The following FLG variants were observed in gnomAD, a reference collection of about 807,000 sequenced individuals.
FLG encodes the protein filaggrin, also known as epidermal filaggrin.
Under a neutral mutation model 3.8 loss-of-function variants are expected in FLG, and 6 were observed. The observed-to-expected ratio is 1.60, with a 90% CI of 0.87 to 3.15. The LOEUF is 3.15. Among genes scored for constraint, FLG ranks in the 30% most tolerant of loss-of-function variants. The pLI, the probability that FLG is intolerant of heterozygous loss-of-function variation, is 0.00. For synonymous variants in FLG, 2,551 were observed against 1,931.6 expected, an observed-to-expected ratio of 1.32 and a Z score of -8.41; for missense variants, 7,595 against 5,050.9, an observed-to-expected ratio of 1.50 and a Z score of -15.27.
intron 1 of FLG, among the ~76,000 whole-genome samples, chr1:152,322,125 G>T (rs750606429): frequency 6.6e-6 from 1 of 150,988 alleles, no homozygotes; most frequent in African/African-American, 2.4e-5. Flanking sequence ...TTTGAAAAAT[G>T]TCATAGCAAA....
Position 152,305,581 on chromosome 1 carries a change from G to A in FLG, c.9305C>T (p.Ala3102Val). The A allele has an allele frequency of 2.7e-6, 4 of 1,502,452 alleles. No homozygotes were observed. Among genetic ancestry groups the A allele is most frequent in the Non-Finnish European group, 3.5e-6 (4 of 1,130,264 alleles). The allele number at this position is 1,502,452 out of a possible 1,614,324, so 93.1% of individuals were successfully genotyped here. A position where few individuals can be genotyped will look rare whatever the true frequency, so the allele number is the denominator to read the frequency against. Reference sequence around the variant, plus strand: ...AATGGTGTCCTGACCGTATTGGGATGCTGAGTGCCTGGAGCTGTCTTGTGC... The same window carrying A: ...AATGGTGTCCTGACCGTATTGGGATACTGAGTGCCTGGAGCTGTCTTGTGC... ...EQAQDSSRHS[A>V]SQYGQDTIRG... Residue 3102 changes from alanine (A) to valine (V), a missense_variant, in exon 3 of 3, where the codon GCA (alanine) becomes GTA (valine). By Grantham distance (64) the Ala-to-Val change is moderately conservative (BLOSUM62 0). Coordinates refer to ENST00000368799, the MANE Select transcript of FLG (RefSeq NM_002016.2).
Position 152,309,320 on chromosome 1 carries a change from G to A in FLG, c.5566C>T (p.Arg1856Cys), listed in dbSNP as rs144236267. Residue 1856 changes from arginine (R) to cysteine (C), a missense_variant, in exon 3 of 3, where the codon CGT (arginine) becomes TGT (cysteine). Arg to Cys is a radical substitution (Grantham distance 180, BLOSUM62 -3). Coordinates refer to ENST00000368799, the MANE Select transcript of FLG (RefSeq NM_002016.2). Reference protein sequence around the residue: ...TTSQERSDVSRGQSGSRSVSR... With the variant: ...TTSQERSDVSCGQSGSRSVSR... ...ACACTTCTGGATCCTGACTGCCCAC[G>A]GGAGACATCAGACCTTTCCTGGGAC... 100 of 1,613,828 alleles carry A rather than the reference G, an allele frequency of 6.2e-5. No homozygotes were observed. In the African/African-American group the frequency reaches 9.5e-4, roughly 15 times the overall value.
rs1039173304 is a variant in FLG at position 152,302,737 on chromosome 1, C to G, written c.12149G>C (p.Gly4050Ala). The change falls in exon 3 of 3, where the codon GGA becomes GCA. Residue 4050 changes from glycine to alanine, a missense_variant. Coordinates refer to ENST00000368799, the MANE Select transcript of FLG (RefSeq NM_002016.2). ...ATAGTATCTCTGTGACTGACTAAAT[C>G]CCAGTTGTTTCGATATATCACTAGA... ...GHSSDISKQL[G>A]FSQSQRYYYY... The G allele has an allele frequency of 2.5e-6, 4 of 1,613,894 alleles. No individual in the cohort carries two copies. The African/African-American group carries it at 4.0e-5, about 16-fold the overall frequency.
At position 152,307,842 on chromosome 1, in the gene FLG, G is replaced by A. The variant is rs147071702; in HGVS notation, c.7044C>T (p.His2348=). 1,102 of 1,613,230 alleles carry A rather than the reference G, an allele frequency of 6.8e-4. 6 individuals carry two copies. The highest frequency in any genetic ancestry group is 1.2e-3 in the Middle Eastern group (7 of 6,026). Residue 2348 remains histidine (H), a synonymous_variant, in exon 3 of 3, where the codon CAC becomes CAT. Coordinates refer to ENST00000368799, the MANE Select transcript of FLG (RefSeq NM_002016.2). The part of the protein sequence containing the change: ...ADSSRHSGIG[H]GQASSAVRDS... Reference sequence around the variant, plus strand: ...CTCTGACTGCAGATGAAGCTTGTCCGTGCCCAATGCCTGAGTGTCTGGAGC... The same window carrying A: ...CTCTGACTGCAGATGAAGCTTGTCCATGCCCAATGCCTGAGTGTCTGGAGC...
At chr1:152,320,316 T>C (rs980172592) in intron 1 of FLG, among the ~76,000 whole-genome samples, 3 of 150,946 alleles carry the variant, frequency 2.0e-5, no homozygotes, top group Non-Finnish European at 4.5e-5. Flanking sequence ...AATATGCTAA[T>C]TAAGGGACAA....
chr1:152,316,768 CCTCT>C (rs1652801901), intron 1 of FLG, among the ~76,000 whole-genome samples: 1 of 152,056 alleles, frequency 6.6e-6, no homozygotes, highest in South Asian at 2.1e-4. Flanking sequence ...AATTCTTTAA[CCTCT>C]CTATTTACTG....
At position 152,311,612 on chromosome 1, in the gene FLG, C is replaced by T. The variant is rs1570909841; in HGVS notation, c.3274G>A (p.Asp1092Asn). ...DTQSVSGHGQ[D>N]GPHQQSHQES... ...TGGTGGCTCTGCTGATGGGGCCCATCCTGTCCATGGCCTGACACTGACTGT... is the reference window on the plus strand; with the variant it reads ...TGGTGGCTCTGCTGATGGGGCCCATTCTGTCCATGGCCTGACACTGACTGT... The change falls in exon 3 of 3, where the codon GAT (aspartate) becomes AAT (asparagine). Residue 1092 changes from aspartate to asparagine, a missense_variant. Transcript: ENST00000368799. 6.2e-7 allele frequency: 1 copy of T among 1,614,148 alleles called. No individual in the cohort carries two copies. Among genetic ancestry groups the T allele is most frequent in the Non-Finnish European group, 8.5e-7 (1 of 1,180,028 alleles).
rs747304520 is a variant in FLG, at chr1:152,308,181, T to A, written c.6705A>T (p.Thr2235=). 2 of 1,613,796 alleles carry A rather than the reference T, an allele frequency of 1.2e-6. No homozygotes were observed. Among genetic ancestry groups the A allele is most frequent in the East Asian group, 2.2e-5 (1 of 44,828 alleles). Residue 2235 remains threonine (T), a synonymous_variant, in exon 3 of 3, where the codon ACA becomes ACT. Coordinates refer to ENST00000368799, the MANE Select transcript of FLG (RefSeq NM_002016.2). The part of the protein sequence containing the change: ...VGQGQSSGPR[T]SRPRGSSVSQ... ...TAACACTGGATCCCCGGGGCCTGCT[T>A]GTCCTGGGCCCTGATGATTGTCCCT... is the stretch of plus-strand genomic sequence containing the variant.
In FLG at chr1:152,307,140, C is replaced by A; in HGVS notation, c.7746G>T (p.Arg2582Ser). The A allele has an allele frequency of 6.2e-7, 1 of 1,612,664 alleles. No homozygotes were observed. The highest frequency in any genetic ancestry group is 2.2e-5 in the East Asian group (1 of 44,784). ...DSQGHSEDSE[R>S]WSGSASRNHH... Reference sequence around the variant, plus strand: ...GGTTTCTGGAAGCAGACCCAGACCACCTCTCAGAGTCTTCTGAGTGTCCCT... The same window carrying A: ...GGTTTCTGGAAGCAGACCCAGACCAACTCTCAGAGTCTTCTGAGTGTCCCT... Residue 2582 changes from arginine to serine, a missense_variant, in exon 3 of 3, where the codon AGG (arginine) becomes AGT (serine). Coordinates refer to ENST00000368799, the MANE Select transcript of FLG (RefSeq NM_002016.2).
Position 152,303,101 on chromosome 1 carries a change from C to T in FLG, c.11785G>A (p.Gly3929Ser). ...QSDSSTAKEH[G>S]HFSSLSQDSA... ...TCTTGTGAAAGACTACTAAAGTGACCATGTTCCTTAGCGGTACTAGAGTCT... is the reference window on the plus strand; with the variant it reads ...TCTTGTGAAAGACTACTAAAGTGACTATGTTCCTTAGCGGTACTAGAGTCT... Residue 3929 changes from glycine (G) to serine (S), a missense_variant, in exon 3 of 3, where the codon GGT becomes AGT. Physicochemically the swap from Gly to Ser is moderately conservative, Grantham distance 56. Transcript: ENST00000368799. 4 of 1,614,150 alleles carry T rather than the reference C, an allele frequency of 2.5e-6. No individual in the cohort carries two copies. The highest frequency in any genetic ancestry group is 3.4e-6 in the Non-Finnish European group (4 of 1,180,026).
chr1:152,310,071 T>A lies in FLG; in HGVS notation c.4815A>T (p.Glu1605Asp), dbSNP rs367839012. ...SQDRDSEGHS[E>D]DSERRSESAS... ...CCGACTCAGACCGCCTCTCAGAGTCTTCTGAGTGTCCCTCACTGTCCCTGT... is the reference window on the plus strand; with the variant it reads ...CCGACTCAGACCGCCTCTCAGAGTCATCTGAGTGTCCCTCACTGTCCCTGT... Residue 1605 changes from glutamate to aspartate, a missense_variant, in exon 3 of 3, where the codon GAA becomes GAT. Glu to Asp is a conservative substitution (Grantham distance 45, BLOSUM62 2). Coordinates refer to ENST00000368799, the MANE Select transcript of FLG (RefSeq NM_002016.2). 6.2e-7 allele frequency: 1 copy of A among 1,613,872 alleles called. No individual in the cohort carries two copies.
chr1:152,302,657 T>A lies in FLG; in HGVS notation c.*43A>T, dbSNP rs759650324. On this transcript the variant is annotated 3_prime_UTR_variant, in exon 3 of 3. Transcript: ENST00000368799. ...GTTTCTTGATTGAAAGTGAACTTGCTTCATTCTTCTATTCTTGGATTAATT... is the reference window on the plus strand; with the variant it reads ...GTTTCTTGATTGAAAGTGAACTTGCATCATTCTTCTATTCTTGGATTAATT... 1 of 1,608,750 alleles carries A rather than the reference T, an allele frequency of 6.2e-7. No homozygotes were observed. Among genetic ancestry groups the A allele is most frequent in the South Asian group, 1.1e-5 (1 of 90,120 alleles).
chr1:152,309,069 G>C lies in FLG; in HGVS notation c.5817C>G (p.Ser1939=). The C allele has an allele frequency of 6.2e-7, 1 of 1,614,090 alleles. No homozygotes were observed. Among genetic ancestry groups the C allele is most frequent in the Non-Finnish European group, 8.5e-7 (1 of 1,179,996 alleles). Residue 1939 remains serine (S), a synonymous_variant, in exon 3 of 3, where the codon TCC becomes TCG. Transcript: ENST00000368799. Reference sequence around the variant, plus strand: ...CCCAAGCAGATCCAAGATGGTTTCTGGAAGCAGACCCAGACCACCTCTCAG... The same window carrying C: ...CCCAAGCAGATCCAAGATGGTTTCTCGAAGCAGACCCAGACCACCTCTCAG... The part of the protein sequence containing the change: ...EDSERWSGSA[S]RNHLGSAWEQ...
rs991603293 is a variant in FLG at position 152,310,843 on chromosome 1, T to C, written c.4043A>G (p.Gln1348Arg). 1 of 1,611,802 alleles carries C rather than the reference T, an allele frequency of 6.2e-7. No individual in the cohort carries two copies. The highest frequency in any genetic ancestry group is 8.5e-7 in the Non-Finnish European group (1 of 1,179,006). Residue 1348 changes from glutamine (Q) to arginine (R), a missense_variant, in exon 3 of 3, where the codon CAG (glutamine) becomes CGG (arginine). Gln to Arg is a conservative substitution (Grantham distance 43). Coordinates refer to ENST00000368799, the MANE Select transcript of FLG (RefSeq NM_002016.2). Reference protein sequence around the residue: ...SHGQAVSSHEQARSSPGERHG... With the variant: ...SHGQAVSSHERARSSPGERHG... Reference sequence around the variant, plus strand: ...TCTTTCTCCTGGACTTGATCTTGCCTGTTCATGGGATGACACAGCCTGTCC... The same window carrying C: ...TCTTTCTCCTGGACTTGATCTTGCCCGTTCATGGGATGACACAGCCTGTCC...
rs1266263430 is a variant in FLG at position 152,309,831 on chromosome 1, G to A, written c.5055C>T (p.His1685=). The change falls in exon 3 of 3, where the codon CAC becomes CAT. Residue 1685 remains histidine (H), a synonymous_variant. Coordinates refer to ENST00000368799, the MANE Select transcript of FLG (RefSeq NM_002016.2). The part of the protein sequence containing the change: ...SSPGERHGSR[H]QQSADSSTDS... Reference sequence around the variant, plus strand: ...CTGTGGAGCTGTCTGCTGACTGCTGGTGGCGGGATCCATGTCTTTCTCCTG... The same window carrying A: ...CTGTGGAGCTGTCTGCTGACTGCTGATGGCGGGATCCATGTCTTTCTCCTG... 1.2e-6 allele frequency: 2 copies of A among 1,614,044 alleles called. No homozygotes were observed. Among genetic ancestry groups the A allele is most frequent in the Non-Finnish European group, 1.7e-6 (2 of 1,180,006 alleles).
Position 152,308,716 on chromosome 1 carries a change from T to A in FLG, c.6170A>T (p.Gln2057Leu), listed in dbSNP as rs1008662653. The part of the protein sequence containing the change: ...SEGHSEDSDT[Q>L]SVSAQGKAGP... Reference sequence around the variant, plus strand: ...AGCTTTTCCCTGTGCTGACACTGACTGTGTGTCTGAGTCTTCTGAATGTCC... The same window carrying A: ...AGCTTTTCCCTGTGCTGACACTGACAGTGTGTCTGAGTCTTCTGAATGTCC... The change falls in exon 3 of 3, where the codon CAG (glutamine) becomes CTG (leucine). Residue 2057 changes from glutamine (Q) to leucine (L), a missense_variant. By Grantham distance (113) the Gln-to-Leu change is moderately radical. Transcript: ENST00000368799. The A allele has an allele frequency of 6.2e-7, 1 of 1,613,998 alleles. No homozygotes were observed.
At position 152,304,742 on chromosome 1, in the gene FLG, G is replaced by T; in HGVS notation, c.10144C>A (p.Arg3382Ser). ...ACCTGGTAGAGGAAAGACCCTGAACGTCCAGACCTTCCCCCTGACCGGTCA... is the reference window on the plus strand; with the variant it reads ...ACCTGGTAGAGGAAAGACCCTGAACTTCCAGACCTTCCCCCTGACCGGTCA... The part of the protein sequence containing the change: ...ARDRSGGRSG[R>S]SGSFLYQVST... The change falls in exon 3 of 3, where the codon CGT becomes AGT. Residue 3382 changes from arginine (R) to serine (S), a missense_variant. Coordinates refer to ENST00000368799, the MANE Select transcript of FLG (RefSeq NM_002016.2). 1.2e-6 allele frequency: 2 copies of T among 1,613,388 alleles called. No individual in the cohort carries two copies. Among genetic ancestry groups the T allele is most frequent in the Non-Finnish European group, 1.7e-6 (2 of 1,179,882 alleles).
At position 152,309,761 on chromosome 1, in the gene FLG, T is replaced by C; in HGVS notation, c.5125A>G (p.Ser1709Gly). The change falls in exon 3 of 3, where the codon AGT becomes GGT. Residue 1709 changes from serine (S) to glycine (G), a missense_variant. Ser to Gly is a moderately conservative substitution (Grantham distance 56, BLOSUM62 0). Transcript: ENST00000368799. ...RRQDSSVVGD[S>G]GNRGSSGSQA... The stretch of plus-strand genomic sequence containing the variant: ...CTACCACTGGACCCTCGGTTTCCAC[T>C]GTCTCCGACTACAGATGAATCTTGT... 3 of 1,614,028 alleles carry C rather than the reference T, an allele frequency of 1.9e-6. No individual in the cohort carries two copies. Among genetic ancestry groups the C allele is most frequent in the Non-Finnish European group, 2.5e-6 (3 of 1,180,000 alleles).
intron 1 of FLG, among the ~76,000 whole-genome samples, chr1:152,319,959 A>ATCCTTT (rs1652902495): frequency 6.6e-6 from 1 of 151,460 alleles, no homozygotes; most frequent in Non-Finnish European, 1.5e-5. Flanking sequence ...AAATAGAATT[A>ATCCTTT]AAATACATAA....
Sources: gnomAD v4.1 joint callset for allele counts (sites outside exome capture counted in the v4.1 genomes callset) on GRCh38, gnomAD v4.1.1 for gene constraint, MANE v1.5 for transcripts, NCBI Gene and HGNC (gene_info 2026-07-23, HGNC 2026-07-21) for gene names.